MAPRE1: variants seen among roughly 807,000 people sequenced by gnomAD.
MAPRE1 encodes the protein microtubule associated protein RP/EB family member 1.
MAPRE1 carries 5 observed loss-of-function variants against 32.1 expected under a neutral mutation model. The ratio of observed to expected loss-of-function variants is 0.16; its 90% CI spans 0.08 to 0.33. The LOEUF (loss-of-function observed/expected upper bound fraction) is 0.33, where lower values mean the gene tolerates loss of function less well. MAPRE1 is among the 10% of genes least tolerant of loss of function. MAPRE1 has a pLI of 1.00. For synonymous variants in MAPRE1, 122 were observed against 118.9 expected (o/e 1.03, Z -0.17); for missense variants, 209 against 327.2 (o/e 0.64, Z 2.79).
At chr20:32,845,921 T>G (rs983206011) in intron 5 of MAPRE1, among the ~76,000 whole-genome samples, 5 of 152,242 alleles carry the variant, frequency 3.3e-5, no homozygotes, top group African/African-American at 1.2e-4. Flanking sequence ...CATGCTGCTC[T>G]GTGGCCCTGA....
At chr20:32,846,284 A>G (rs1393356108) in intron 5 of MAPRE1, among the ~76,000 whole-genome samples, 1 of 152,176 alleles carries the variant, frequency 6.6e-6, no homozygotes. Context: ...TCCCTTGGTA[A>G]GGACTCAGTT....
chr20:32,840,191 A>T (rs1366219972), intron 5 of MAPRE1, among the ~76,000 whole-genome samples: 2 of 152,214 alleles, frequency 1.3e-5, no homozygotes, highest in Non-Finnish European at 2.9e-5. Context: ...TAATTTAATA[A>T]AAAGGATTCC....
chr20:32,822,234 C>T (rs903276522), intron 1 of MAPRE1, among the ~76,000 whole-genome samples: 2 of 152,080 alleles, frequency 1.3e-5, no homozygotes, highest in Admixed American at 6.6e-5. Flanking sequence ...ATGATGCACA[C>T]GATACAGTAT....
At chr20:32,836,863 G>T (rs781583940) in intron 4 of MAPRE1, 22 bp downstream of exon 4, 2 of 1,571,474 alleles carry the variant, frequency 1.3e-6, no homozygotes, top group South Asian at 2.4e-5. Context: ...ACCCCAAAAC[G>T]TTTCCAAAAA....
chr20:32,848,067 G>A (rs1350455522), intron 6 of MAPRE1, among the ~76,000 whole-genome samples: 4 of 151,294 alleles, frequency 2.6e-5, no homozygotes, highest in Admixed American at 6.6e-5. Context: ...TTTTAGTGAC[G>A]GGGATCTCAC....
chr20:32,840,166 G>A (rs573915865), intron 5 of MAPRE1, among the ~76,000 whole-genome samples: 2 of 151,688 alleles, frequency 1.3e-5, no homozygotes, highest in African/African-American at 4.9e-5. Context: ...AGATAAAGGA[G>A]GTCTCCTTTT....
chr20:32,829,634 A>ACTAAACACAGCTTTACAAAGTAG (rs71190878), intron 2 of MAPRE1, among the ~76,000 whole-genome samples: 3,940 of 152,262 alleles, frequency 0.026, 71 homozygotes, highest in Non-Finnish European at 0.04. Context: ...AGAGTTCTCC[A>ACTAAACACAGCTTTACAAAGTAG]CTAAACACAG....
intron 2 of MAPRE1, among the ~76,000 whole-genome samples, chr20:32,829,548 G>A (rs1982961491): frequency 6.6e-6 from 1 of 152,222 alleles, no homozygotes; most frequent in Non-Finnish European, 1.5e-5. Flanking sequence ...GGCCCAAGGA[G>A]AATTCCAGGA....
At chr20:32,843,790 A>G (rs1244016621) in intron 5 of MAPRE1, among the ~76,000 whole-genome samples, 1 of 151,794 alleles carries the variant, frequency 6.6e-6, no homozygotes, top group Non-Finnish European at 1.5e-5. Context: ...TTCTTAGGTT[A>G]TAACTATTGC....
intron 6 of MAPRE1, among the ~76,000 whole-genome samples, chr20:32,847,133 G>C (rs1339952372): frequency 6.6e-5 from 10 of 152,144 alleles, no homozygotes; most frequent in African/African-American, 2.2e-4. Flanking sequence ...ATCAGGGCCC[G>C]GGGCATGCCC....
chr20:32,831,394 A>ATTTATTT (rs1983019731), intron 2 of MAPRE1, among the ~76,000 whole-genome samples: 1 of 152,076 alleles, frequency 6.6e-6, no homozygotes, highest in East Asian at 1.9e-4. Context: ...GGAAATAAAT[A>ATTTATTT]AGAATGTTTC....
At chr20:32,835,581 A>G (rs1475281044) in intron 3 of MAPRE1, among the ~76,000 whole-genome samples, 1 of 151,442 alleles carries the variant, frequency 6.6e-6, no homozygotes, top group African/African-American at 2.4e-5. Context: ...TTCAGGTTAG[A>G]ATTATTCTTT....
At chr20:32,837,204 G>A (rs993989278) in intron 4 of MAPRE1, among the ~76,000 whole-genome samples, 4 of 152,234 alleles carry the variant, frequency 2.6e-5, no homozygotes, top group African/African-American at 9.6e-5. Flanking sequence ...TCCAAAACAA[G>A]GGCATTTTTA....
chr20:32,834,471 T>A (rs1983129437), intron 3 of MAPRE1, among the ~76,000 whole-genome samples: 3 of 151,556 alleles, frequency 2.0e-5, no homozygotes, highest in Admixed American at 1.3e-4. Context: ...TTTTAGTAGA[T>A]AATAGATTAA....
At chr20:32,838,652 C>T (rs1402359272) in intron 4 of MAPRE1, among the ~76,000 whole-genome samples, 1 of 152,186 alleles carries the variant, frequency 6.6e-6, no homozygotes, top group Non-Finnish European at 1.5e-5. Context: ...ATATTGAGTA[C>T]TTTTTATTCT....
rs763284903 is a variant in MAPRE1 at position 32,825,993 on chromosome 20, C to G, written c.66C>G (p.Ala22=). Residue 22 remains alanine, a synonymous_variant, in exon 2 of 7, where the codon GCC becomes GCG. Transcript: ENST00000375571. ...ACCTAAGTCGACATGACATGCTGGC[C>G]TGGATCAATGAGTCTCTGCAGTTGA... The part of the protein sequence containing the change: ...SDNLSRHDML[A]WINESLQLNL... The G allele has an allele frequency of 3.1e-6, 5 of 1,610,620 alleles. No homozygotes were observed. Among genetic ancestry groups the G allele is most frequent in the Non-Finnish European group, 4.2e-6 (5 of 1,177,290 alleles).
chr20:32,838,258 T>C, intron 4 of MAPRE1, among the ~76,000 whole-genome samples: 1 of 152,208 alleles, frequency 6.6e-6, no homozygotes, highest in East Asian at 1.9e-4. Context: ...ATCTTTTGTG[T>C]CTGGCTTCTT....
chr20:32,823,744 C>T (rs1982766166), intron 1 of MAPRE1, among the ~76,000 whole-genome samples: 3 of 152,272 alleles, frequency 2.0e-5, no homozygotes, highest in Middle Eastern at 3.4e-3. Context: ...AAAAAATTAG[C>T]TGGGCTTGGT....
At chr20:32,834,902 A>G (rs919706526) in intron 3 of MAPRE1, among the ~76,000 whole-genome samples, 1 of 152,204 alleles carries the variant, frequency 6.6e-6, no homozygotes, top group African/African-American at 2.4e-5. Context: ...ATTCTATCCT[A>G]TCCTATGTAT....
Sources: allele counts gnomAD v4.1 joint callset (sites outside exome capture counted in the v4.1 genomes callset), GRCh38; gene constraint gnomAD v4.1.1; transcripts MANE v1.5; gene names NCBI Gene and HGNC (gene_info 2026-07-23, HGNC 2026-07-21).